The following MYO3B variants were observed in gnomAD, a reference collection of about 807,000 sequenced individuals.
MYO3B encodes myosin-IIIb.
In MYO3B, 156 loss-of-function variants were observed where a neutral mutation model predicts 174.6. That is an observed-to-expected ratio of 0.89 (90% CI 0.78 to 1.02). The LOEUF (loss-of-function observed/expected upper bound fraction) is 1.02. Among genes scored for constraint, MYO3B ranks in the 50% least tolerant of loss-of-function variants. The pLI is 0.00. For synonymous variants in MYO3B, 563 were observed against 569.1 expected (o/e 0.99, Z 0.15); for missense variants, 1,632 against 1,639.4 (o/e 1.00, Z 0.08).
chr2:170,297,605 G>A (rs576293511), intron 7 of MYO3B, among the ~76,000 whole-genome samples: 1 of 152,300 alleles, frequency 6.6e-6, no homozygotes, highest in South Asian at 2.1e-4. Context: ...TAATGTGATT[G>A]CGATTATCCC....
chr2:170,203,331 C>G (rs1249602323), intron 3 of MYO3B, among the ~76,000 whole-genome samples: 1 of 152,128 alleles, frequency 6.6e-6, no homozygotes, highest in Non-Finnish European at 1.5e-5. Context: ...AAGTGTTCTA[C>G]TTAAAAGAAA....
At chr2:170,358,737 T>C (rs1382308645) in intron 8 of MYO3B, among the ~76,000 whole-genome samples, 1 of 152,192 alleles carries the variant, frequency 6.6e-6, no homozygotes, top group Non-Finnish European at 1.5e-5. Flanking sequence ...TTGAGCAGAA[T>C]CTACAGACTT....
At chr2:170,650,063 C>T (rs1224398972) in intron 32 of MYO3B, 1 of 106,626 alleles carries the variant, frequency 9.4e-6, no homozygotes, top group Non-Finnish European at 1.7e-5. Flanking sequence ...GACAGAGTCT[C>T]ACTCTGTCAC....
At chr2:170,252,777 T>C (rs1309143340) in intron 7 of MYO3B, among the ~76,000 whole-genome samples, 1 of 152,098 alleles carries the variant, frequency 6.6e-6, no homozygotes, top group East Asian at 1.9e-4. Context: ...TCTGATAAGA[T>C]GAAGAAAAAT....
intron 8 of MYO3B, among the ~76,000 whole-genome samples, chr2:170,352,442 A>G (rs1175761946): frequency 6.6e-6 from 1 of 152,252 alleles, no homozygotes; most frequent in Non-Finnish European, 1.5e-5. Context: ...AAGACAGGAA[A>G]TGAGGAAAAA....
At chr2:170,394,739 T>C (rs2094434484) in intron 16 of MYO3B, among the ~76,000 whole-genome samples, 1 of 152,230 alleles carries the variant, frequency 6.6e-6, no homozygotes. Context: ...GGATCTTCTC[T>C]CTCCAACTCT....
chr2:170,651,370 A>G (rs985015813), intron 32 of MYO3B, among the ~76,000 whole-genome samples: 2 of 151,350 alleles, frequency 1.3e-5, no homozygotes, highest in Non-Finnish European at 2.9e-5. Context: ...GGAAACAACA[A>G]CTTGCTTTCT....
intron 5 of MYO3B, among the ~76,000 whole-genome samples, chr2:170,216,120 G>T (rs1330739867): frequency 3.8e-5 from 1 of 26,042 alleles, no homozygotes; most frequent in African/African-American, 1.8e-4. Context: ...TAAAGAGAAT[G>T]TCCGCAGTCA....
chr2:170,630,905 AC>A (rs1211959135), intron 32 of MYO3B, among the ~76,000 whole-genome samples: 1 of 152,256 alleles, frequency 6.6e-6, no homozygotes, highest in East Asian at 1.9e-4. Flanking sequence ...TCTGTAGGTC[AC>A]CATCATCAAA....
chr2:170,222,092 G>T (rs2092907252), intron 6 of MYO3B, among the ~76,000 whole-genome samples: 1 of 152,182 alleles, frequency 6.6e-6, no homozygotes. Flanking sequence ...CATAATAATA[G>T]AGTCATGAAA....
intron 32 of MYO3B, among the ~76,000 whole-genome samples, chr2:170,599,673 G>A (rs1403984389): frequency 2.0e-5 from 3 of 152,084 alleles, no homozygotes; most frequent in Admixed American, 2.0e-4. Flanking sequence ...GCTTGAACCT[G>A]GGAGGTGGAG....
intron 32 of MYO3B, among the ~76,000 whole-genome samples, chr2:170,586,385 C>T (rs74979787): frequency 0.013 from 2,028 of 152,224 alleles, 31 homozygotes; most frequent in Non-Finnish European, 0.016. Flanking sequence ...ACCTCACCAA[C>T]GTGATTTATG....
intron 32 of MYO3B, among the ~76,000 whole-genome samples, chr2:170,575,374 A>T (rs80022757): frequency 6.6e-6 from 1 of 152,180 alleles, no homozygotes; most frequent in South Asian, 2.1e-4. Context: ...CAGAGAGTCA[A>T]TAGTTCAGGC....
intron 7 of MYO3B, among the ~76,000 whole-genome samples, chr2:170,326,484 G>T (rs2093868716): frequency 2.6e-5 from 4 of 152,202 alleles, no homozygotes; most frequent in African/African-American, 9.6e-5. Flanking sequence ...TGGAACTGAT[G>T]ATATTGCCGA....
chr2:170,360,377 A>C (rs2094151935), intron 8 of MYO3B, among the ~76,000 whole-genome samples: 1 of 152,180 alleles, frequency 6.6e-6, no homozygotes, highest in African/African-American at 2.4e-5. Flanking sequence ...ACATTAAAAA[A>C]ATTACCCAAA....
At chr2:170,489,653 G>GTGTGTGTGTGTT (rs1429885941) in intron 25 of MYO3B, among the ~76,000 whole-genome samples, 1 of 148,860 alleles carries the variant, frequency 6.7e-6, no homozygotes, top group Non-Finnish European at 1.5e-5. Flanking sequence ...GTGTGTGTGT[G>GTGTGTGTGTGTT]TGTGTGTGTG....
At chr2:170,461,336 T>G (rs1308403325) in intron 23 of MYO3B, among the ~76,000 whole-genome samples, 2 of 150,926 alleles carry the variant, frequency 1.3e-5, no homozygotes, top group Non-Finnish European at 1.5e-5. Flanking sequence ...TAGCTGGGCG[T>G]GGTGGCGGGC....
chr2:170,248,539 C>T (rs1056318315), intron 7 of MYO3B, among the ~76,000 whole-genome samples: 7 of 152,190 alleles, frequency 4.6e-5, no homozygotes, highest in African/African-American at 1.7e-4. Context: ...TGTCACAGGG[C>T]TGTGTTCCTT....
At chr2:170,511,701 T>G (rs1489595694) in intron 28 of MYO3B, among the ~76,000 whole-genome samples, 1 of 152,218 alleles carries the variant, frequency 6.6e-6, no homozygotes, top group Non-Finnish European at 1.5e-5. Flanking sequence ...TTTCTCAACA[T>G]CCTGTCTGTG....
Sources: gnomAD v4.1 joint callset for allele counts (sites outside exome capture counted in the v4.1 genomes callset) on GRCh38, gnomAD v4.1.1 for gene constraint, MANE v1.5 for transcripts, NCBI Gene and HGNC (gene_info 2026-07-23, HGNC 2026-07-21) for gene names.